Variants in ZC3H12B observed in about 807,000 individuals in gnomAD.
ZC3H12B encodes probable ribonuclease ZC3H12B.
ZC3H12B carries 7 observed loss-of-function variants against 43.9 expected under a neutral mutation model. The ratio of observed to expected loss-of-function variants is 0.16; its 90% CI spans 0.09 to 0.30. The LOEUF (loss-of-function observed/expected upper bound fraction) is 0.30. ZC3H12B is among the 10% of genes least tolerant of loss of function. The probability of loss-of-function intolerance (pLI) is 1.00; values close to 1 mark genes in which losing one functional copy is unlikely to be tolerated. For synonymous variants in ZC3H12B, 222 were observed against 241.7 expected, an observed-to-expected ratio of 0.92 and a Z score of 0.76; for missense variants, 475 against 670.2, an observed-to-expected ratio of 0.71 and a Z score of 3.22.
intron 3 of ZC3H12B, among the ~76,000 whole-genome samples, chrX:65,457,014 T>C (rs77940082): frequency 1.2e-3 from 109 of 94,611 alleles, no homozygotes; most frequent in African/African-American, 4.2e-3. Flanking sequence ...TCTTCCCCGC[T>C]GCCATCCCAT....
At chrX:65,464,965 T>G (rs2067798555) in intron 3 of ZC3H12B, among the ~76,000 whole-genome samples, 1 of 111,239 alleles carries the variant, frequency 9.0e-6, no homozygotes, top group African/African-American at 3.3e-5. Context: ...TATATTTAAT[T>G]TCATTTTAGA....
the ZC3H12B span, among the ~76,000 whole-genome samples, chrX:65,284,573 C>A: frequency 3.9e-4 from 43 of 111,087 alleles, 1 homozygote; most frequent in South Asian, 0.016. Context: ...AACAGCCTGG[C>A]CAACATGGTG....
At position 65,386,648 on chromosome X, in the gene ZC3H12B, A is replaced by G. The variant is rs193144439; in HGVS notation, n.296-11945A>G. 2.3e-3 allele frequency among the ~76,000 whole-genome samples: 254 copies of G among 111,225 alleles called. 2 individuals carry two copies. The highest frequency in any genetic ancestry group is 7.6e-3 in the African/African-American group (234 of 30,612). On this transcript the variant is annotated intron_variant and non_coding_transcript_variant, in intron 2 of 5. Coordinates refer to the ZC3H12B transcript ENST00000617377. ...GGTTTTTTGTGTCTCTATTTCCTTC[A>G]GTTCTGCTCTGACTGTAGTTATTTC...
At chrX:65,370,603 G>GA (rs1398396964) in intron 2 of ZC3H12B, among the ~76,000 whole-genome samples, 1 of 111,674 alleles carries the variant, frequency 9.0e-6, no homozygotes, top group East Asian at 2.8e-4. Flanking sequence ...TATCCCTAAG[G>GA]AAAAAATAAC....
the ZC3H12B span, among the ~76,000 whole-genome samples, chrX:65,317,851 CTATATATA>C: frequency 6.3e-5 from 6 of 95,213 alleles, no homozygotes; most frequent in Admixed American, 2.4e-4. Flanking sequence ...CACGCACACA[CTATATATA>C]TATATATATA....
the ZC3H12B span, among the ~76,000 whole-genome samples, chrX:65,162,768 G>C: frequency 9.3e-6 from 1 of 107,368 alleles, no homozygotes; most frequent in East Asian, 2.8e-4. Flanking sequence ...CTCTCACCTC[G>C]TCAAAGTCAT....
the ZC3H12B span, among the ~76,000 whole-genome samples, chrX:65,151,176 C>A: frequency 8.9e-6 from 1 of 111,828 alleles, no homozygotes; most frequent in African/African-American, 3.2e-5. Context: ...TAACAGACTT[C>A]TTTTTCAGTA....
chrX:65,044,694 G>A, the ZC3H12B span, among the ~76,000 whole-genome samples: 2 of 111,224 alleles, frequency 1.8e-5, no homozygotes, highest in African/African-American at 6.5e-5. Context: ...GTCAGATTAT[G>A]AAGATATAGA....
chrX:65,185,031 A>G, the ZC3H12B span: 27 of 111,585 alleles, frequency 2.4e-4, no homozygotes, highest in African/African-American at 8.5e-4. Context: ...AAGACCTTCA[A>G]TTTTGTCCAG....
At chrX:65,255,990 A>G in the ZC3H12B span, among the ~76,000 whole-genome samples, 2 of 112,695 alleles carry the variant, frequency 1.8e-5, no homozygotes, top group Non-Finnish European at 1.9e-5. Flanking sequence ...AGACATAGCT[A>G]TTTTAAATAC....
intron 3 of ZC3H12B, among the ~76,000 whole-genome samples, chrX:65,409,555 TCC>T (rs772427390): frequency 1.4e-4 from 7 of 50,947 alleles, no homozygotes; most frequent in African/African-American, 3.7e-4. Flanking sequence ...ACCTAAAGAC[TCC>T]ACACACACAC....
chrX:65,457,541 G>A (rs1326439027), intron 3 of ZC3H12B, among the ~76,000 whole-genome samples: 12 of 87,703 alleles, frequency 1.4e-4, no homozygotes, highest in East Asian at 6.4e-4. Context: ...CCCTCTGCCC[G>A]GCCACGACCC....
chrX:65,174,990 C>T, the ZC3H12B span, among the ~76,000 whole-genome samples: 5 of 111,996 alleles, frequency 4.5e-5, no homozygotes, highest in Non-Finnish European at 9.4e-5. Flanking sequence ...AAAAACCACC[C>T]GGGTTTGTGC....
chrX:65,425,728 T>G (rs1254423857), intron 3 of ZC3H12B, among the ~76,000 whole-genome samples: 1 of 112,032 alleles, frequency 8.9e-6, no homozygotes, highest in African/African-American at 3.2e-5. Context: ...TCATGTAGTT[T>G]TTGACTTTAG....
the ZC3H12B span, among the ~76,000 whole-genome samples, chrX:65,198,643 T>A: frequency 8.9e-6 from 1 of 111,880 alleles, no homozygotes; most frequent in Admixed American, 9.5e-5. Context: ...ATGTTTGACC[T>A]CCATGAGTTT....
chrX:65,352,410 A>G, the ZC3H12B span, among the ~76,000 whole-genome samples: 2 of 110,074 alleles, frequency 1.8e-5, no homozygotes, highest in Admixed American at 1.9e-4. Flanking sequence ...GCATGTGTAT[A>G]CCTATGTAAC....
chrX:65,356,697 A>C, the ZC3H12B span, among the ~76,000 whole-genome samples: 1 of 112,272 alleles, frequency 8.9e-6, no homozygotes, highest in South Asian at 3.7e-4. Flanking sequence ...TAATGAAAGT[A>C]TATATCACAT....
the ZC3H12B span, among the ~76,000 whole-genome samples, chrX:65,063,096 T>C: frequency 8.9e-6 from 1 of 112,234 alleles, no homozygotes; most frequent in Non-Finnish European, 1.9e-5. Context: ...TACAATCATG[T>C]CATCTTCAAA....
intron 2 of ZC3H12B, among the ~76,000 whole-genome samples, chrX:65,393,436 C>T (rs776544696): frequency 9.0e-6 from 1 of 110,615 alleles, no homozygotes; most frequent in Non-Finnish European, 1.9e-5. Context: ...TGTCCTAATG[C>T]TCTCCATCCC....
Sources: gnomAD v4.1 joint callset for allele counts (sites outside exome capture counted in the v4.1 genomes callset) on GRCh38, gnomAD v4.1.1 for gene constraint, MANE v1.5 for transcripts, NCBI Gene and HGNC (gene_info 2026-07-23, HGNC 2026-07-21) for gene names.